RPTOR: variants seen among roughly 807,000 people sequenced by gnomAD.
RPTOR encodes regulatory associated protein of MTOR complex 1, also known as regulatory-associated protein of mTOR.
A neutral mutation model predicts 169.9 loss-of-function variants in RPTOR; 21 were observed. The observed-to-expected ratio is 0.12, with a 90% CI of 0.09 to 0.18. The LOEUF is 0.18. Ranked by LOEUF, RPTOR falls within the 10% of genes least tolerant of loss-of-function variation. The pLI is 1.00. For missense variants in RPTOR, 1,133 were observed against 1,855.9 expected (o/e 0.61, Z 7.16); for synonymous variants, 732 against 753.2 (o/e 0.97, Z 0.46).
intron 24 of RPTOR, among the ~76,000 whole-genome samples, chr17:80,932,792 G>A (rs1025257321): frequency 6.6e-6 from 1 of 152,068 alleles, no homozygotes; most frequent in Non-Finnish European, 1.5e-5. Flanking sequence ...CCCAAATCAT[G>A]GTATATACAG....
chr17:80,825,759 A>C (rs767390203), intron 9 of RPTOR, among the ~76,000 whole-genome samples: 1 of 152,100 alleles, frequency 6.6e-6, no homozygotes, highest in African/African-American at 2.4e-5. Flanking sequence ...GACCTCCCTG[A>C]GTGTGTCAGA....
intron 3 of RPTOR, among the ~76,000 whole-genome samples, chr17:80,673,568 A>T (rs2065838337): frequency 6.6e-6 from 1 of 152,192 alleles, no homozygotes; most frequent in Admixed American, 6.5e-5. Context: ...CATCTCAAAG[A>T]GCGGTTGCCG....
chr17:80,763,084 A>G (rs768740418), intron 6 of RPTOR, among the ~76,000 whole-genome samples: 2 of 152,124 alleles, frequency 1.3e-5, no homozygotes, highest in African/African-American at 2.4e-5. Flanking sequence ...TGTCTCTACT[A>G]AAAATTTAAA....
chr17:80,559,277 G>A (rs537997500), intron 1 of RPTOR, among the ~76,000 whole-genome samples: 2 of 152,192 alleles, frequency 1.3e-5, no homozygotes, highest in Non-Finnish European at 2.9e-5. Flanking sequence ...GCACACGACG[G>A]TGCTTTGTCC....
chr17:80,588,697 G>C (rs1243678462), intron 1 of RPTOR, among the ~76,000 whole-genome samples: 1 of 152,110 alleles, frequency 6.6e-6, no homozygotes, highest in African/African-American at 2.4e-5. Flanking sequence ...TGGTGATTTT[G>C]TTAGGATCTT....
At chr17:80,739,756 A>G (rs372971182) in intron 5 of RPTOR, among the ~76,000 whole-genome samples, 15 of 152,220 alleles carry the variant, frequency 9.9e-5, no homozygotes, top group Admixed American at 2.0e-4. Flanking sequence ...GTTAGATGAA[A>G]ATGAATATAC....
At chr17:80,774,182 T>C (rs4969411) in intron 6 of RPTOR, 866,161 of 985,200 alleles carry the variant, frequency 0.88, 382,201 homozygotes, top group East Asian at 1. Flanking sequence ...GGAGTCTGGA[T>C]GTCAAGCTGG....
intron 3 of RPTOR, among the ~76,000 whole-genome samples, chr17:80,682,272 T>G (rs1029662761): frequency 1.3e-5 from 2 of 151,920 alleles, no homozygotes; most frequent in African/African-American, 4.8e-5. Context: ...CCCAGCTAAT[T>G]GTTAAATTTT....
At chr17:80,944,885 G>A (rs974339715) in intron 25 of RPTOR, among the ~76,000 whole-genome samples, 1 of 152,060 alleles carries the variant, frequency 6.6e-6, no homozygotes, top group South Asian at 2.1e-4. Context: ...CAGCGACTCA[G>A]GAGGCTGAGG....
rs75670901 is a variant in RPTOR, at chr17:80,627,433, C to T, written c.265+1640C>T. ...GCCATAATCAATGTATAGAATATTT[C>T]TGTCACACCAAGGAAGTTCCCTTGG... On this transcript the variant is annotated intron_variant, in intron 2 of 33. Coordinates refer to ENST00000306801, the MANE Select transcript of RPTOR (RefSeq NM_020761.3). Among the ~76,000 whole-genome samples the T allele has an allele frequency of 2.3e-3, 357 of 152,354 alleles. 1 individual carries two copies. Among genetic ancestry groups the T allele is most frequent in the African/African-American group, 8.3e-3 (347 of 41,580 alleles).
intron 1 of RPTOR, among the ~76,000 whole-genome samples, chr17:80,561,239 TTATATATATATGTATATATATATG>T (rs1209225211): frequency 0.11 from 13,145 of 114,930 alleles, 756 homozygotes; most frequent in Non-Finnish European, 0.15. Flanking sequence ...CCCGGCTAAT[TTATATATATATGTATATATATATG>T]TATATATATA....
At chr17:80,923,733 G>C in intron 23 of RPTOR, 60 bp downstream of exon 23, 1 of 1,473,722 alleles carries the variant, frequency 6.8e-7, no homozygotes, top group Non-Finnish European at 9.1e-7. Flanking sequence ...TCAGATGGGG[G>C]CTCATGGCCT....
At chr17:80,597,842 T>C (rs8077678) in intron 1 of RPTOR, among the ~76,000 whole-genome samples, 8,882 of 151,972 alleles carry the variant, frequency 0.058, 859 homozygotes, top group African/African-American at 0.2. Context: ...GTTTTTTTTT[T>C]CCTAAAGATT....
chr17:80,575,550 G>A (rs990918804), intron 1 of RPTOR, among the ~76,000 whole-genome samples: 3 of 152,188 alleles, frequency 2.0e-5, no homozygotes, highest in Non-Finnish European at 2.9e-5. Flanking sequence ...GGATGGTGTA[G>A]GTTGCACCGC....
At chr17:80,601,234 C>G (rs2065183749) in intron 1 of RPTOR, among the ~76,000 whole-genome samples, 1 of 21,608 alleles carries the variant, frequency 4.6e-5, no homozygotes, top group Non-Finnish European at 1.1e-4. Flanking sequence ...CCATCACCGG[C>G]CTTTGCATCT....
In RPTOR at chr17:80,730,077, G is replaced by A. The variant is rs548463630; in HGVS notation, c.508-483G>A. On this transcript the variant is annotated intron_variant, in intron 4 of 33. Coordinates refer to ENST00000306801, the MANE Select transcript of RPTOR (RefSeq NM_020761.3). The surrounding 1 kb of genome is among the most constrained non-coding windows in gnomAD (Gnocchi z 4.2). ...GTGTGGGCGCTACTGGAGTAAAGCA[G>A]CATCAGAGGAGATGTGGAGAAATTC... Among the ~76,000 whole-genome samples, 4 of 152,216 alleles carry A rather than the reference G, an allele frequency of 2.6e-5. No homozygotes were observed. The highest frequency in any genetic ancestry group is 9.6e-5 in the African/African-American group (4 of 41,454).
At chr17:80,684,387 T>A (rs1466599531) in intron 3 of RPTOR, among the ~76,000 whole-genome samples, 3 of 148,734 alleles carry the variant, frequency 2.0e-5, no homozygotes, top group African/African-American at 5.0e-5. Flanking sequence ...CTTTTTTTTT[T>A]AAATAAGGAG....
rs149398696 is a variant in RPTOR at position 80,900,064 on chromosome 17, G to A, written c.2401+6199G>A. 4.0e-3 allele frequency among the ~76,000 whole-genome samples: 615 copies of A among 152,206 alleles called. 1 individual carries two copies. Among genetic ancestry groups the A allele is most frequent in the Non-Finnish European group, 6.9e-3 (471 of 67,996 alleles). On this transcript the variant is annotated intron_variant, in intron 20 of 33. Transcript: ENST00000306801. Reference sequence around the variant, plus strand: ...GTCGAAGCCAGTACCATCGGCTCTGGGCATCTCCCACCCCTCCCTGCAGAA... The same window carrying A: ...GTCGAAGCCAGTACCATCGGCTCTGAGCATCTCCCACCCCTCCCTGCAGAA...
chr17:80,827,533 C>T (rs993370106), intron 9 of RPTOR, among the ~76,000 whole-genome samples: 20 of 152,220 alleles, frequency 1.3e-4, no homozygotes, highest in Non-Finnish European at 1.0e-4. Context: ...ACAGTCACAG[C>T]AGCCATCACC....
Sources: gnomAD v4.1 joint callset for allele counts (sites outside exome capture counted in the v4.1 genomes callset) on GRCh38, gnomAD v4.1.1 for gene constraint, Gnocchi (gnomAD v3.1) non-coding constraint, MANE v1.5 for transcripts, NCBI Gene and HGNC (gene_info 2026-07-23, HGNC 2026-07-21) for gene names.